MAST4: variants seen among roughly 807,000 people sequenced by gnomAD.
MAST4 encodes the protein microtubule-associated serine/threonine-protein kinase 4.
In MAST4, 89 loss-of-function variants were observed where a neutral mutation model predicts 162.7. The ratio of observed to expected loss-of-function variants is 0.55; its 90% CI spans 0.46 to 0.65. MAST4 has a LOEUF of 0.65. MAST4 is among the 30% of genes least tolerant of loss of function. The probability of loss-of-function intolerance (pLI) is 0.00; values close to 1 mark genes in which losing one functional copy is unlikely to be tolerated. For missense variants in MAST4, 3,153 were observed against 3,374.0 expected (o/e 0.93, Z 1.62); for synonymous variants, 1,479 against 1,361.1 (o/e 1.09, Z -1.91).
intron 4 of MAST4, among the ~76,000 whole-genome samples, chr5:66,984,774 GC>G (rs1339799572): frequency 3.3e-5 from 5 of 150,178 alleles, no homozygotes; most frequent in Admixed American, 1.3e-4. Flanking sequence ...GGGGCGGGGG[GC>G]ATTGAGGGAA....
intron 3 of MAST4, among the ~76,000 whole-genome samples, chr5:66,850,606 A>C (rs1421183262): frequency 2.6e-5 from 4 of 152,198 alleles, no homozygotes; most frequent in African/African-American, 9.7e-5. Context: ...TTTCATGTAC[A>C]AAATTATTAA....
chr5:66,947,402 C>T (rs1448927118), intron 4 of MAST4, among the ~76,000 whole-genome samples: 1 of 152,158 alleles, frequency 6.6e-6, no homozygotes, highest in Admixed American at 6.6e-5. Flanking sequence ...TTTCTCTCTT[C>T]TGCTTTTTCT....
intron 4 of MAST4, among the ~76,000 whole-genome samples, chr5:66,934,677 C>G (rs969532298): frequency 6.6e-5 from 10 of 151,870 alleles, no homozygotes; most frequent in Non-Finnish European, 1.0e-4. Context: ...CTGCATAAAC[C>G]TAAGCTTTGC....
At chr5:66,849,117 A>T (rs1000399041) in intron 3 of MAST4, among the ~76,000 whole-genome samples, 1 of 152,082 alleles carries the variant, frequency 6.6e-6, no homozygotes, top group Non-Finnish European at 1.5e-5. Flanking sequence ...TGACTCCTTT[A>T]TGCATCTTTG....
chr5:66,736,229 T>G (rs997815458), intron 1 of MAST4, among the ~76,000 whole-genome samples: 1 of 152,116 alleles, frequency 6.6e-6, no homozygotes, highest in Non-Finnish European at 1.5e-5. Flanking sequence ...GTCTCCCTGC[T>G]ACCACTTATA....
intron 4 of MAST4, among the ~76,000 whole-genome samples, chr5:66,923,022 A>G (rs1279932853): frequency 1.3e-5 from 2 of 152,102 alleles, no homozygotes; most frequent in East Asian, 3.9e-4. Flanking sequence ...CTGAACAAAT[A>G]TTTTCTTTTA....
chr5:67,165,761 C>T lies in MAST4; in HGVS notation c.6582C>T (p.Pro2194=). The T allele has an allele frequency of 6.3e-7, 1 of 1,595,122 alleles. No homozygotes were observed. The change falls in exon 29 of 29, where the codon CCC becomes CCT. Residue 2194 remains proline, a synonymous_variant. Transcript: ENST00000403625. ...ACAGTGAAAGCAGCAGCCACAAGCC[C>T]CGGCCTGGCCCTGACCCGGGCCCTC... The part of the protein sequence containing the change: ...AAHSESSSHK[P]RPGPDPGPPK...
chr5:66,918,356 T>C (rs564786454), intron 4 of MAST4, among the ~76,000 whole-genome samples: 1 of 152,324 alleles, frequency 6.6e-6, no homozygotes, highest in South Asian at 2.1e-4. Context: ...CCATGTACTT[T>C]GGAATCTTTT....
chr5:67,157,067 AG>A (rs1239878002), intron 26 of MAST4, among the ~76,000 whole-genome samples: 3 of 152,246 alleles, frequency 2.0e-5, no homozygotes, highest in Non-Finnish European at 4.4e-5. Context: ...CTTCTATACA[AG>A]GTCAGTCATT....
chr5:66,608,393 G>A (rs960464134), intron 1 of MAST4, among the ~76,000 whole-genome samples: 3 of 123,734 alleles, frequency 2.4e-5, no homozygotes, highest in East Asian at 2.4e-4. Flanking sequence ...TTTTGATGGC[G>A]AGAACATTAA....
intron 3 of MAST4, among the ~76,000 whole-genome samples, chr5:66,859,060 T>G (rs1481363211): frequency 1.3e-5 from 2 of 152,148 alleles, no homozygotes; most frequent in Admixed American, 6.5e-5. Context: ...ATTAATAGAA[T>G]CTCATGATGT....
intron 13 of MAST4, among the ~76,000 whole-genome samples, chr5:67,120,169 G>A (rs1308398014): frequency 6.6e-6 from 1 of 152,180 alleles, no homozygotes; most frequent in African/African-American, 2.4e-5. Context: ...TGTTGGGTGG[G>A]TTATCTGTGT....
intron 4 of MAST4, among the ~76,000 whole-genome samples, chr5:67,030,767 G>A (rs1755210669): frequency 1.3e-5 from 2 of 152,170 alleles, no homozygotes; most frequent in Admixed American, 1.3e-4. Flanking sequence ...TTGGGTGTTT[G>A]TGTCACTCTC....
At chr5:66,870,857 G>A (rs1312421023) in intron 3 of MAST4, 5 of 471,502 alleles carry the variant, frequency 1.1e-5, no homozygotes, top group African/African-American at 8.0e-5. Flanking sequence ...TCAAAAGTGA[G>A]TGTGTCCTGT....
In MAST4 at chr5:66,809,042, G is replaced by A. The variant is rs549969867; in HGVS notation, c.642+20248G>A. On this transcript the variant is annotated intron_variant, in intron 3 of 28. Transcript: ENST00000403625. ...ACCTAGAATTTCTCCTTGGATCAGAGGGATCATTCCTAACTGTTGATTACA... is the reference window on the plus strand; with the variant it reads ...ACCTAGAATTTCTCCTTGGATCAGAAGGATCATTCCTAACTGTTGATTACA... 3.3e-5 allele frequency among the ~76,000 whole-genome samples: 5 copies of A among 152,322 alleles called. No homozygotes were observed. In the East Asian group the frequency reaches 9.7e-4, roughly 29 times the overall value.
chr5:66,967,976 T>TATAATGGTGACA, intron 4 of MAST4, among the ~76,000 whole-genome samples: 1 of 152,204 alleles, frequency 6.6e-6, no homozygotes, highest in African/African-American at 2.4e-5. Context: ...CAGTGCCTCC[T>TATAATGGTGACA]GAGTAATATA....
intron 2 of MAST4, among the ~76,000 whole-genome samples, chr5:66,774,773 G>C (rs1366843265): frequency 6.6e-6 from 1 of 152,104 alleles, no homozygotes; most frequent in African/African-American, 2.4e-5. Context: ...AATATTTTTA[G>C]TATCCAGTGC....
At chr5:66,861,183 G>GCCCCTATCT in intron 3 of MAST4, among the ~76,000 whole-genome samples, 1 of 152,214 alleles carries the variant, frequency 6.6e-6, no homozygotes, top group Non-Finnish European at 1.5e-5. Flanking sequence ...TGGAGCTCAT[G>GCCCCTATCT]GGGACCTGAA....
chr5:66,938,684 C>CTA (rs750110355), intron 4 of MAST4, among the ~76,000 whole-genome samples: 3 of 152,150 alleles, frequency 2.0e-5, no homozygotes, highest in Non-Finnish European at 4.4e-5. Context: ...CTCTATCTGC[C>CTA]TATATGAGGA....
Sources: allele counts gnomAD v4.1 joint callset (sites outside exome capture counted in the v4.1 genomes callset), GRCh38; gene constraint gnomAD v4.1.1; transcripts MANE v1.5; gene names NCBI Gene and HGNC (gene_info 2026-07-23, HGNC 2026-07-21).